The following SLC24A2 variants were observed in gnomAD, a reference collection of about 807,000 sequenced individuals.
SLC24A2 encodes the protein solute carrier family 24 member 2, also known as sodium/potassium/calcium exchanger 2.
In SLC24A2, 36 loss-of-function variants were observed where a neutral mutation model predicts 62.0. The observed-to-expected ratio is 0.58, with a 90% CI of 0.44 to 0.77. The LOEUF (loss-of-function observed/expected upper bound fraction) is 0.77, where lower values mean the gene tolerates loss of function less well. Ranked by LOEUF, SLC24A2 falls within the 30% of genes least tolerant of loss-of-function variation. The pLI is 0.00. For synonymous variants in SLC24A2, 358 were observed against 294.0 expected (o/e 1.22, Z -2.23); for missense variants, 846 against 817.9 (o/e 1.03, Z -0.42).
chr9:20,295,200 A>G, the SLC24A2 span, among the ~76,000 whole-genome samples: 1 of 152,092 alleles, frequency 6.6e-6, no homozygotes, highest in African/African-American at 2.4e-5. Context: ...TAAAATCCCT[A>G]ATCTCTAAAA....
intron 4 of SLC24A2, among the ~76,000 whole-genome samples, chr9:19,607,911 AAG>A (rs919026174): frequency 1.3e-5 from 2 of 152,180 alleles, no homozygotes; most frequent in Non-Finnish European, 2.9e-5. Context: ...GTACAACACA[AAG>A]AGAGATTCAG....
chr9:19,953,774 CT>C, the SLC24A2 span, among the ~76,000 whole-genome samples: 4 of 152,044 alleles, frequency 2.6e-5, no homozygotes, highest in African/African-American at 9.7e-5. Flanking sequence ...AAACTTTGGA[CT>C]CACATACTGC....
At chr9:19,864,092 C>A in the SLC24A2 span, among the ~76,000 whole-genome samples, 3 of 151,762 alleles carry the variant, frequency 2.0e-5, no homozygotes, top group Non-Finnish European at 4.4e-5. Context: ...AAAAAATGGA[C>A]AAATTCCTGG....
chr9:20,284,122 C>T, the SLC24A2 span, among the ~76,000 whole-genome samples: 266 of 152,264 alleles, frequency 1.7e-3, no homozygotes, highest in African/African-American at 6.3e-3. Context: ...TATCACTCGA[C>T]ATTTCTAGTG....
chr9:19,590,477 C>A (rs180955551), intron 5 of SLC24A2, among the ~76,000 whole-genome samples: 1 of 152,206 alleles, frequency 6.6e-6, no homozygotes, highest in African/African-American at 2.4e-5. Flanking sequence ...TGCTCTCCAT[C>A]CTGCCCTTCC....
chr9:20,291,472 A>G, the SLC24A2 span, among the ~76,000 whole-genome samples: 6 of 152,176 alleles, frequency 3.9e-5, no homozygotes, highest in Admixed American at 3.9e-4. Context: ...AGTGGATGCA[A>G]GAGATGACAT....
the SLC24A2 span, among the ~76,000 whole-genome samples, chr9:20,106,405 T>A: frequency 2.0e-5 from 3 of 152,112 alleles, no homozygotes; most frequent in African/African-American, 7.2e-5. Context: ...AAAAAGAGAA[T>A]TTTAGACCAA....
At chr9:19,542,169 C>T (rs1044915260) in intron 8 of SLC24A2, among the ~76,000 whole-genome samples, 2 of 152,166 alleles carry the variant, frequency 1.3e-5, no homozygotes, top group Non-Finnish European at 2.9e-5. Flanking sequence ...CCGTCTTCTG[C>T]GTCGCTCACG....
chr9:20,040,779 A>AAGGAC, the SLC24A2 span, among the ~76,000 whole-genome samples: 1 of 152,204 alleles, frequency 6.6e-6, no homozygotes, highest in Non-Finnish European at 1.5e-5. Flanking sequence ...AGGGAAGGGA[A>AAGGAC]AGGACAGCAC....
chr9:19,816,734 G>C, the SLC24A2 span, among the ~76,000 whole-genome samples: 1 of 151,958 alleles, frequency 6.6e-6, no homozygotes, highest in Admixed American at 6.6e-5. Context: ...GAGGGCAAGG[G>C]AGGTGCCACA....
the SLC24A2 span, among the ~76,000 whole-genome samples, chr9:19,962,344 C>A: frequency 1.3e-5 from 2 of 152,170 alleles, no homozygotes; most frequent in Non-Finnish European, 2.9e-5. Context: ...CTTGGCGATG[C>A]GGGCTCTTTT....
chr9:19,977,249 C>T, the SLC24A2 span, among the ~76,000 whole-genome samples: 3 of 152,076 alleles, frequency 2.0e-5, no homozygotes, highest in Admixed American at 2.0e-4. Context: ...ACTGCTTTAG[C>T]TGCTATGTTG....
chr9:19,854,692 A>G, the SLC24A2 span, among the ~76,000 whole-genome samples: 3 of 152,174 alleles, frequency 2.0e-5, no homozygotes, highest in Non-Finnish European at 2.9e-5. Flanking sequence ...GCATTTGCTG[A>G]GGAATGTTTT....
chr9:19,765,332 T>C (rs894750283), intron 2 of SLC24A2, among the ~76,000 whole-genome samples: 7 of 152,210 alleles, frequency 4.6e-5, no homozygotes, highest in Non-Finnish European at 8.8e-5. Context: ...AATCTGATCC[T>C]GCCATTATGA....
At chr9:19,567,369 A>T (rs1835696661) in intron 7 of SLC24A2, among the ~76,000 whole-genome samples, 1 of 151,332 alleles carries the variant, frequency 6.6e-6, no homozygotes, top group African/African-American at 2.4e-5. Context: ...ACACAATGAA[A>T]CCCTGTCTCT....
intron 5 of SLC24A2, among the ~76,000 whole-genome samples, chr9:19,592,727 G>C (rs984776026): frequency 6.6e-6 from 1 of 152,142 alleles, no homozygotes; most frequent in South Asian, 2.1e-4. Flanking sequence ...TTTAGGAAAA[G>C]AGCCACGTTC....
At chr9:19,649,977 G>A (rs1008528038) in intron 2 of SLC24A2, among the ~76,000 whole-genome samples, 2 of 152,198 alleles carry the variant, frequency 1.3e-5, no homozygotes, top group Admixed American at 6.5e-5. Flanking sequence ...AGCTCTAAAA[G>A]CAGACTGCGG....
chr9:20,141,464 G>C, the SLC24A2 span, among the ~76,000 whole-genome samples: 1 of 151,946 alleles, frequency 6.6e-6, no homozygotes, highest in East Asian at 1.9e-4. Flanking sequence ...CAACTCTCTT[G>C]GCTTGGTCTC....
chr9:20,121,081 TCA>T, the SLC24A2 span, among the ~76,000 whole-genome samples: 1 of 148,930 alleles, frequency 6.7e-6, no homozygotes, highest in African/African-American at 2.5e-5. Context: ...TTGTTCTTTC[TCA>T]GTCTTTTTTT....
Sources: gnomAD v4.1 joint callset for allele counts (sites outside exome capture counted in the v4.1 genomes callset) on GRCh38, gnomAD v4.1.1 for gene constraint, MANE v1.5 for transcripts, NCBI Gene and HGNC (gene_info 2026-07-23, HGNC 2026-07-21) for gene names.